The following GRID2 variants were observed in gnomAD, a reference collection of about 807,000 sequenced individuals.
The protein encoded by GRID2 is glutamate receptor ionotropic, delta-2.
In GRID2, 33 loss-of-function variants were observed where a neutral mutation model predicts 114.8. The ratio of observed to expected loss-of-function variants is 0.29; its 90% CI spans 0.22 to 0.38. The LOEUF is 0.38. Among genes scored for constraint, GRID2 ranks in the 10% least tolerant of loss-of-function variants. GRID2 has a pLI of 1.00. For synonymous variants in GRID2, 505 were observed against 449.9 expected (o/e 1.12, Z -1.55); for missense variants, 1,184 against 1,257.7 (o/e 0.94, Z 0.89).
intron 1 of GRID2, among the ~76,000 whole-genome samples, chr4:92,458,615 T>A (rs1721330160): frequency 6.6e-6 from 1 of 152,184 alleles, no homozygotes. Context: ...AAATTTAAAA[T>A]TCTAGATTAA....
At chr4:93,067,508 T>G (rs1357936385) in intron 2 of GRID2, among the ~76,000 whole-genome samples, 9 of 152,002 alleles carry the variant, frequency 5.9e-5, no homozygotes, top group Non-Finnish European at 1.5e-5. Flanking sequence ...TTCATCAGGT[T>G]ATAAGGCTCT....
At position 92,940,670 on chromosome 4, in the gene GRID2, G is replaced by T. The variant is rs567208747; in HGVS notation, c.245-144325G>T. Among the ~76,000 whole-genome samples the T allele has an allele frequency of 1.2e-4, 19 of 152,020 alleles. No individual in the cohort carries two copies. The South Asian group carries it at 2.1e-3, about 17-fold the overall frequency. ...CAGTTTTCAAAGGGAATGCTTCCAG[G>T]TTTTGCCCATTCAGTATGATATTGG... is the stretch of plus-strand genomic sequence containing the variant. On this transcript the variant is annotated intron_variant, in intron 2 of 15. Coordinates refer to ENST00000282020, the MANE Select transcript of GRID2 (RefSeq NM_001510.4).
chr4:93,452,816 A>T (rs1722809114), intron 10 of GRID2, among the ~76,000 whole-genome samples: 1 of 151,926 alleles, frequency 6.6e-6, no homozygotes, highest in Non-Finnish European at 1.5e-5. Flanking sequence ...ATTGTCTTTG[A>T]TTATTTCTGG....
At chr4:93,781,394 G>C (rs1212487996) in intron 1 of GRID2, among the ~76,000 whole-genome samples, 7 of 150,572 alleles carry the variant, frequency 4.6e-5, no homozygotes, top group Non-Finnish European at 1.0e-4. Context: ...GCGGTGAGGG[G>C]CTGCGGTGAG....
intron 2 of GRID2, among the ~76,000 whole-genome samples, chr4:92,614,882 TATTTAC>T (rs1729930996): frequency 6.6e-6 from 1 of 151,588 alleles, no homozygotes; most frequent in African/African-American, 2.4e-5. Flanking sequence ...CAGTTTCAGG[TATTTAC>T]ATGTTTAGAA....
intron 13 of GRID2, among the ~76,000 whole-genome samples, chr4:93,618,470 A>G (rs1239429284): frequency 2.0e-5 from 3 of 152,184 alleles, no homozygotes; most frequent in Non-Finnish European, 4.4e-5. Flanking sequence ...CCTGTGGGCC[A>G]GAACAAACAA....
chr4:93,692,846 C>T lies in GRID2; in HGVS notation c.2360+66411C>T, dbSNP rs552921099. Among the ~76,000 whole-genome samples the T allele has an allele frequency of 1.3e-4, 20 of 152,292 alleles. 1 individual carries two copies. The South Asian group carries it at 4.1e-3, about 32-fold the overall frequency. ...ACTTACAGTTTTTGCAGATTGTCCT[C>T]ATTCACTACACGACAGTTTAACTGT... On this transcript the variant is annotated intron_variant, in intron 14 of 15. Coordinates refer to ENST00000282020, the MANE Select transcript of GRID2 (RefSeq NM_001510.4).
At chr4:92,977,446 G>A (rs1210782147) in intron 2 of GRID2, among the ~76,000 whole-genome samples, 2 of 152,140 alleles carry the variant, frequency 1.3e-5, no homozygotes, top group Admixed American at 6.5e-5. Context: ...TATTGTGATG[G>A]GGGCATAGTA....
intron 8 of GRID2, among the ~76,000 whole-genome samples, chr4:93,316,795 A>G (rs997176669): frequency 2.6e-5 from 4 of 152,150 alleles, no homozygotes; most frequent in African/African-American, 9.7e-5. Flanking sequence ...TATTTGCACC[A>G]TTTCTATCCT....
chr4:93,226,368 G>A (rs1745484102), intron 7 of GRID2, among the ~76,000 whole-genome samples: 1 of 152,164 alleles, frequency 6.6e-6, no homozygotes, highest in Non-Finnish European at 1.5e-5. Context: ...GACAGTCATA[G>A]GATAGACATT....
At chr4:92,426,559 A>G (rs950503073) in intron 1 of GRID2, among the ~76,000 whole-genome samples, 1 of 152,124 alleles carries the variant, frequency 6.6e-6, no homozygotes, top group African/African-American at 2.4e-5. Flanking sequence ...CTTCATCTAA[A>G]TCCAGAAGAT....
intron 3 of GRID2, among the ~76,000 whole-genome samples, chr4:93,101,579 T>C (rs532998657): frequency 6.6e-6 from 1 of 152,206 alleles, no homozygotes; most frequent in Non-Finnish European, 1.5e-5. Flanking sequence ...TTGGGGTCAG[T>C]TTAGAAATAT....
Position 93,150,366 on chromosome 4 carries a change from A to G in GRID2, c.735+39413A>G, listed in dbSNP as rs183134319. Among the ~76,000 whole-genome samples the G allele has an allele frequency of 2.3e-3, 349 of 152,326 alleles. 1 individual carries two copies. Among genetic ancestry groups the G allele is most frequent in the African/African-American group, 8.0e-3 (331 of 41,584 alleles). On this transcript the variant is annotated intron_variant, in intron 4 of 15. Coordinates refer to ENST00000282020, the MANE Select transcript of GRID2 (RefSeq NM_001510.4). The stretch of plus-strand genomic sequence containing the variant: ...TACAAACATTTCACACTGTACATAA[A>G]TACACAAAACACAGGCAATAATTAT...
intron 2 of GRID2, among the ~76,000 whole-genome samples, chr4:92,778,267 T>A (rs1485120339): frequency 6.6e-6 from 1 of 152,112 alleles, no homozygotes. Flanking sequence ...GCTCTTTATG[T>A]AATGAATTTT....
rs573178024 is a variant in GRID2 at position 92,654,651 on chromosome 4, C to A, written c.244+64365C>A. Among the ~76,000 whole-genome samples, 22 of 151,874 alleles carry A rather than the reference C, an allele frequency of 1.4e-4. No individual in the cohort carries two copies. In the South Asian group the frequency reaches 3.9e-3, roughly 27 times the overall value. ...CATTGTGGTTTTGATTTGCATTTCC[C>A]TGATGATTAACAATGTTAAGCATTT... On this transcript the variant is annotated intron_variant, in intron 2 of 15. Transcript: ENST00000282020.
intron 1 of GRID2, among the ~76,000 whole-genome samples, chr4:92,456,084 G>C (rs1288564611): frequency 6.6e-6 from 1 of 151,798 alleles, no homozygotes; most frequent in Non-Finnish European, 1.5e-5. Flanking sequence ...ATATTTCAGT[G>C]AAAAGCTTTC....
At chr4:92,413,450 T>C (rs1004094836) in intron 1 of GRID2, among the ~76,000 whole-genome samples, 5 of 152,110 alleles carry the variant, frequency 3.3e-5, no homozygotes, top group Admixed American at 2.0e-4. Context: ...CACCTTGAGT[T>C]TGAGTGCCAG....
chr4:92,840,445 T>A (rs1394667554), intron 2 of GRID2, among the ~76,000 whole-genome samples: 1 of 152,034 alleles, frequency 6.6e-6, no homozygotes, highest in Non-Finnish European at 1.5e-5. Context: ...AGTGATTTTC[T>A]ATGGTGATAT....
chr4:92,459,092 A>G (rs1163138618), intron 1 of GRID2, among the ~76,000 whole-genome samples: 1 of 152,180 alleles, frequency 6.6e-6, no homozygotes, highest in Non-Finnish European at 1.5e-5. Flanking sequence ...AAAAATTGTC[A>G]TCATGCATAC....
Sources: gnomAD v4.1 joint callset for allele counts (sites outside exome capture counted in the v4.1 genomes callset) on GRCh38, gnomAD v4.1.1 for gene constraint, MANE v1.5 for transcripts, NCBI Gene and HGNC (gene_info 2026-07-23, HGNC 2026-07-21) for gene names.